FARS2: variants seen among roughly 807,000 people sequenced by gnomAD.
The protein encoded by FARS2 is phenylalanyl-tRNA synthetase 2, mitochondrial.
In FARS2, 40 loss-of-function variants were observed where a neutral mutation model predicts 46.4. The observed-to-expected ratio is 0.86, with a 90% confidence interval of 0.67 to 1.12. The LOEUF is 1.12. FARS2 is among the 50% of genes most tolerant of loss of function. The probability of loss-of-function intolerance (pLI) is 0.00; values close to 1 mark genes in which losing one functional copy is unlikely to be tolerated. For missense variants in FARS2, 513 were observed against 567.9 expected (o/e 0.90, Z 0.98); for synonymous variants, 234 against 214.9 (o/e 1.09, Z -0.78).
At chr6:5,709,671 G>GGTGTGT (rs771506886) in intron 6 of FARS2, among the ~76,000 whole-genome samples, 8 of 97,238 alleles carry the variant, frequency 8.2e-5, no homozygotes, top group African/African-American at 2.8e-4. Flanking sequence ...GTTCCAAGAG[G>GGTGTGT]GTGTGTGTGT....
intron 4 of FARS2, among the ~76,000 whole-genome samples, chr6:5,514,086 G>A (rs910481742): frequency 3.6e-5 from 4 of 111,564 alleles, no homozygotes; most frequent in African/African-American, 1.1e-4. Flanking sequence ...ATAAAAATCT[G>A]GACATATATA....
intron 2 of FARS2, among the ~76,000 whole-genome samples, chr6:5,380,631 T>C (rs990967055): frequency 5.9e-5 from 9 of 152,248 alleles, no homozygotes; most frequent in Middle Eastern, 3.4e-3. Flanking sequence ...ACTCGCATAG[T>C]GTTGAATTAT....
At chr6:5,723,597 A>T (rs545672350) in intron 6 of FARS2, among the ~76,000 whole-genome samples, 47 of 152,314 alleles carry the variant, frequency 3.1e-4, no homozygotes, top group South Asian at 1.7e-3. Flanking sequence ...TCCTGTATAC[A>T]CTGCCTCTCT....
chr6:5,562,898 G>A (rs1484188477), intron 5 of FARS2, among the ~76,000 whole-genome samples: 1 of 150,940 alleles, frequency 6.6e-6, no homozygotes, highest in African/African-American at 2.4e-5. Flanking sequence ...CTATCTCCCA[G>A]ATTGAAGCGA....
chr6:5,260,344 T>C (rs1156245953), upstream of FARS2, among the ~76,000 whole-genome samples: 1 of 152,256 alleles, frequency 6.6e-6, no homozygotes, highest in Non-Finnish European at 1.5e-5. Flanking sequence ...CATCCCTTTT[T>C]TCTCTTCTGC....
At chr6:5,415,305 C>CT (rs1242162979) in intron 3 of FARS2, among the ~76,000 whole-genome samples, 5 of 91,576 alleles carry the variant, frequency 5.5e-5, no homozygotes, top group African/African-American at 1.7e-4. Context: ...ATTTTCTTTT[C>CT]TTTTCTTTTT....
chr6:5,428,086 G>A (rs957302073), intron 3 of FARS2, among the ~76,000 whole-genome samples: 3 of 152,168 alleles, frequency 2.0e-5, no homozygotes, highest in Non-Finnish European at 4.4e-5. Flanking sequence ...CGGAGACGCG[G>A]CTTCCTATGA....
At position 5,767,115 on chromosome 6, in the gene FARS2, G is replaced by A. The variant is rs185903896; in HGVS notation, c.1218-4176G>A. 4.6e-5 allele frequency among the ~76,000 whole-genome samples: 7 copies of A among 151,654 alleles called. No homozygotes were observed. In the East Asian group the frequency reaches 1.4e-3, roughly 29 times the overall value. Reference sequence around the variant, plus strand: ...CTATTGCCCAGGCTGGAGTGCAGTGGGGCGATCTCCACTCACTGCAACCTC... The same window carrying A: ...CTATTGCCCAGGCTGGAGTGCAGTGAGGCGATCTCCACTCACTGCAACCTC... On this transcript the variant is annotated intron_variant, in intron 6 of 6. Coordinates refer to ENST00000274680, the MANE Select transcript of FARS2 (RefSeq NM_006567.5).
chr6:5,592,349 A>G (rs1773964847), intron 5 of FARS2, among the ~76,000 whole-genome samples: 1 of 151,870 alleles, frequency 6.6e-6, no homozygotes, highest in South Asian at 2.1e-4. Flanking sequence ...TCACGCCACT[A>G]TACTCCAGCC....
chr6:5,588,998 A>G (rs1187266461), intron 5 of FARS2, among the ~76,000 whole-genome samples: 4 of 152,188 alleles, frequency 2.6e-5, no homozygotes, highest in Non-Finnish European at 5.9e-5. Context: ...GTTTTAGGTT[A>G]GTCTTTACTA....
At chr6:5,478,648 AGTGCCCCT>A (rs147017262) in intron 4 of FARS2, among the ~76,000 whole-genome samples, 2,623 of 152,298 alleles carry the variant, frequency 0.017, 90 homozygotes, top group African/African-American at 0.06. Context: ...ACATCGACTG[AGTGCCCCT>A]GTCTTGCAAG....
At chr6:5,735,956 G>A (rs1009704199) in intron 6 of FARS2, among the ~76,000 whole-genome samples, 1 of 152,184 alleles carries the variant, frequency 6.6e-6, no homozygotes, top group Admixed American at 6.5e-5. Flanking sequence ...GAAGTGGGAA[G>A]GATATTAGAT....
At chr6:5,457,388 C>A (rs1764960410) in intron 4 of FARS2, among the ~76,000 whole-genome samples, 1 of 152,212 alleles carries the variant, frequency 6.6e-6, no homozygotes, top group Admixed American at 6.5e-5. Context: ...CCCTGCTGCA[C>A]CATCCACAGC....
At chr6:5,335,894 C>T (rs1241324928) in intron 1 of FARS2, among the ~76,000 whole-genome samples, 2 of 152,172 alleles carry the variant, frequency 1.3e-5, no homozygotes, top group East Asian at 3.8e-4. Flanking sequence ...GATACCTGTG[C>T]TTTTAATTCC....
chr6:5,690,379 T>G (rs566156602), intron 6 of FARS2, among the ~76,000 whole-genome samples: 4 of 151,820 alleles, frequency 2.6e-5, no homozygotes, highest in South Asian at 2.1e-4. Flanking sequence ...AGGAGCTCTT[T>G]TAGGGCAGGC....
intron 1 of FARS2, among the ~76,000 whole-genome samples, chr6:5,280,737 G>A (rs1297011340): frequency 2.0e-5 from 3 of 151,252 alleles, no homozygotes; most frequent in Non-Finnish European, 4.4e-5. Context: ...CCTATTTTTA[G>A]GTTTCTAATG....
At chr6:5,430,226 C>T (rs1763085084) in intron 3 of FARS2, among the ~76,000 whole-genome samples, 1 of 152,100 alleles carries the variant, frequency 6.6e-6, no homozygotes, top group Admixed American at 6.5e-5. Context: ...TCAAAATGCC[C>T]ACTTTTTTCT....
At chr6:5,610,075 C>T in intron 5 of FARS2, 1 of 918,596 alleles carries the variant, frequency 1.1e-6, no homozygotes, top group Non-Finnish European at 1.8e-6. Flanking sequence ...ACCACACAGT[C>T]CAGGAGCATT....
chr6:5,420,951 G>A (rs1762514726), intron 3 of FARS2, among the ~76,000 whole-genome samples: 2 of 75,012 alleles, frequency 2.7e-5, no homozygotes, highest in African/African-American at 8.6e-5. Context: ...CTGGAGGACG[G>A]CGTCCTTCTC....
Sources: allele counts gnomAD v4.1 joint callset (sites outside exome capture counted in the v4.1 genomes callset), GRCh38; gene constraint gnomAD v4.1.1; transcripts MANE v1.5; gene names NCBI Gene and HGNC (gene_info 2026-07-23, HGNC 2026-07-21).